The following KBTBD12 variants were observed in gnomAD, a reference collection of about 807,000 sequenced individuals.
KBTBD12 encodes the protein kelch repeat and BTB domain-containing protein 12.
Under a neutral mutation model 58.7 loss-of-function variants are expected in KBTBD12, and 53 were observed. The observed-to-expected ratio is 0.90, with a 90% CI of 0.72 to 1.14. The LOEUF is 1.14. Ranked by LOEUF, KBTBD12 falls within the 50% of genes most tolerant of loss-of-function variation. The pLI is 0.00. For missense variants in KBTBD12, 704 were observed against 751.3 expected, an observed-to-expected ratio of 0.94 and a Z score of 0.74; for synonymous variants, 236 against 259.8, an observed-to-expected ratio of 0.91 and a Z score of 0.88.
At chr3:127,968,620 A>G (rs1399608525) in intron 5 of KBTBD12, among the ~76,000 whole-genome samples, 1 of 152,190 alleles carries the variant, frequency 6.6e-6, no homozygotes, top group African/African-American at 2.4e-5. Context: ...AAATGAATCA[A>G]TGTGTGGGAG....
intron 2 of KBTBD12, among the ~76,000 whole-genome samples, chr3:127,925,909 T>C (rs924355970): frequency 3.3e-5 from 5 of 152,202 alleles, no homozygotes; most frequent in Non-Finnish European, 7.3e-5. Context: ...TTTGTGTATC[T>C]CATTCTTTTT....
chr3:127,950,759 C>T (rs535823253), intron 4 of KBTBD12, among the ~76,000 whole-genome samples: 8 of 152,254 alleles, frequency 5.3e-5, no homozygotes, highest in Non-Finnish European at 8.8e-5. Flanking sequence ...AGGCCGGGCA[C>T]GGTGACTCAA....
At chr3:127,947,339 T>C (rs572631438) in intron 4 of KBTBD12, among the ~76,000 whole-genome samples, 18 of 152,290 alleles carry the variant, frequency 1.2e-4, no homozygotes, top group African/African-American at 4.3e-4. Flanking sequence ...CTCAGTCTTC[T>C]GTGCTTCAGC....
chr3:127,986,087 C>T lies in KBTBD12; in HGVS notation c.*1809C>T, dbSNP rs929801618. On this transcript the variant is annotated 3_prime_UTR_variant, in exon 6 of 6. Transcript: ENST00000405109. ...CACCTGCTCCACCTGCTTGAAAAGT[C>T]CAGAAAGCTGCCGCGTCTCCCTGGC... 2 of 152,614 alleles carry T rather than the reference C, an allele frequency of 1.3e-5. No homozygotes were observed. Among genetic ancestry groups the T allele is most frequent in the African/African-American group, 4.8e-5 (2 of 41,416 alleles). The allele number at this position is 152,614 out of a possible 1,614,324, so 9.5% of individuals were successfully genotyped here.
rs568831978 is a variant in KBTBD12 at position 127,943,847 on chromosome 3, TG to T, written c.1492+13565del. ...TTATGTTTAAGTCTTTAATCCATTT[TG>T]AGTTGCTTTTTGTGTATAGTGTAAG... is the stretch of plus-strand genomic sequence containing the variant. On this transcript the variant is annotated intron_variant, in intron 4 of 5. Transcript: ENST00000405109. Among the ~76,000 whole-genome samples the T allele has an allele frequency of 7.9e-5, 12 of 152,332 alleles. No individual in the cohort carries two copies. The South Asian group carries it at 2.5e-3, about 32-fold the overall frequency.
chr3:127,923,199 A>G lies in KBTBD12; in HGVS notation c.138A>G (p.Arg46=). 1 of 1,613,848 alleles carries G rather than the reference A, an allele frequency of 6.2e-7. No individual in the cohort carries two copies. Residue 46 remains arginine (R), a synonymous_variant, in exon 2 of 6, where the codon AGA becomes AGG. Transcript: ENST00000405109. The part of the protein sequence containing the change: ...TAEGEKFPCH[R]LVLAAFSPYF... ...AAGGAGAGAAATTTCCTTGCCACAG[A>G]CTGGTCCTGGCTGCATTTAGCCCTT...
intron 2 of KBTBD12, among the ~76,000 whole-genome samples, chr3:127,925,519 A>G (rs1362713927): frequency 6.6e-6 from 1 of 151,758 alleles, no homozygotes; most frequent in Non-Finnish European, 1.5e-5. Context: ...TAAACCTCCA[A>G]CCCTGTCAAA....
chr3:127,969,219 G>A (rs1940640403), intron 5 of KBTBD12, among the ~76,000 whole-genome samples: 1 of 152,066 alleles, frequency 6.6e-6, no homozygotes, highest in South Asian at 2.1e-4. Context: ...TAATAGACAG[G>A]TTCAACAAGG....
At chr3:127,959,897 G>C (rs1224425730) in intron 4 of KBTBD12, among the ~76,000 whole-genome samples, 1 of 152,236 alleles carries the variant, frequency 6.6e-6, no homozygotes, top group Non-Finnish European at 1.5e-5. Context: ...CAGGGTCTGA[G>C]TGTTTCCAAA....
intron 1 of KBTBD12, among the ~76,000 whole-genome samples, chr3:127,920,951 A>C (rs1415526168): frequency 6.6e-6 from 1 of 151,594 alleles, no homozygotes; most frequent in East Asian, 1.9e-4. Context: ...TTTGCTGATG[A>C]AAGGAGAATG....
At chr3:127,956,801 AAAAG>A (rs1349248101) in intron 4 of KBTBD12, among the ~76,000 whole-genome samples, 1 of 152,264 alleles carries the variant, frequency 6.6e-6, no homozygotes, top group Non-Finnish European at 1.5e-5. Flanking sequence ...TTGTTAAAGA[AAAAG>A]AAAACATGCC....
At chr3:127,916,766 C>CATGG (rs1307231431) in intron 1 of KBTBD12, among the ~76,000 whole-genome samples, 1 of 148,810 alleles carries the variant, frequency 6.7e-6, no homozygotes, top group Non-Finnish European at 1.5e-5. Context: ...GAAGCCAATA[C>CATGG]ATGGCTTCAG....
chr3:127,982,464 C>T (rs1940889844), intron 5 of KBTBD12, among the ~76,000 whole-genome samples: 1 of 152,146 alleles, frequency 6.6e-6, no homozygotes, highest in African/African-American at 2.4e-5. Flanking sequence ...CTCCTGTCCC[C>T]ACACCCACTG....
chr3:127,958,895 C>T (rs1393322903), intron 4 of KBTBD12, among the ~76,000 whole-genome samples: 1 of 152,152 alleles, frequency 6.6e-6, no homozygotes, highest in Non-Finnish European at 1.5e-5. Flanking sequence ...CCCAGCAGCC[C>T]TGTTCTGTGA....
chr3:127,950,228 C>T (rs1225755793), intron 4 of KBTBD12, among the ~76,000 whole-genome samples: 1 of 152,100 alleles, frequency 6.6e-6, no homozygotes, highest in Non-Finnish European at 1.5e-5. Flanking sequence ...AGAAAACACA[C>T]ATGCAGGGGA....
intron 4 of KBTBD12, among the ~76,000 whole-genome samples, chr3:127,953,596 A>G (rs1236477816): frequency 1.3e-5 from 2 of 152,230 alleles, no homozygotes; most frequent in Admixed American, 1.3e-4. Context: ...GTTAAAACCT[A>G]TGCTGAATTT....
At chr3:127,929,265 C>T (rs1291739466) in intron 3 of KBTBD12, among the ~76,000 whole-genome samples, 2 of 152,130 alleles carry the variant, frequency 1.3e-5, no homozygotes, top group Non-Finnish European at 2.9e-5. Context: ...CAAGATCACA[C>T]AGGGTTGTGC....
intron 5 of KBTBD12, among the ~76,000 whole-genome samples, chr3:127,978,146 G>A (rs1195965610): frequency 6.6e-6 from 1 of 152,144 alleles, no homozygotes; most frequent in Non-Finnish European, 1.5e-5. Context: ...TAGGTGTGCA[G>A]CATTATTTCT....
At chr3:127,966,133 T>C (rs1940562539) in intron 5 of KBTBD12, among the ~76,000 whole-genome samples, 1 of 152,158 alleles carries the variant, frequency 6.6e-6, no homozygotes, top group Non-Finnish European at 1.5e-5. Context: ...AAAAAGAGAT[T>C]GAGTGGAAGG....
Sources: gnomAD v4.1 joint callset for allele counts (sites outside exome capture counted in the v4.1 genomes callset) on GRCh38, gnomAD v4.1.1 for gene constraint, MANE v1.5 for transcripts, NCBI Gene and HGNC (gene_info 2026-07-23, HGNC 2026-07-21) for gene names.